NUP155: variants seen among roughly 807,000 people sequenced by gnomAD.
NUP155 encodes nucleoporin 155.
In NUP155, 71 loss-of-function variants were observed where a neutral mutation model predicts 180.4. The observed-to-expected ratio is 0.39, with a 90% CI of 0.33 to 0.48. The LOEUF is 0.48. Among genes scored for constraint, NUP155 ranks in the 20% least tolerant of loss-of-function variants. NUP155 has a pLI of 0.91. For synonymous variants in NUP155, 582 were observed against 559.5 expected (o/e 1.04, Z -0.57); for missense variants, 1,553 against 1,648.9 (o/e 0.94, Z 1.01).
chr5:37,305,283 C>T (rs112894623), intron 25 of NUP155, 73 bp from the exon 26 acceptor site: 48 of 1,341,304 alleles, frequency 3.6e-5, no homozygotes, highest in Middle Eastern at 2.5e-4. Context: ...TGGTGACTCA[C>T]GCCTGTAATG....
At chr5:37,335,685 T>C (rs1336675708) in intron 12 of NUP155, among the ~76,000 whole-genome samples, 1 of 152,110 alleles carries the variant, frequency 6.6e-6, no homozygotes, top group African/African-American at 2.4e-5. Flanking sequence ...CGACACGGCT[T>C]ACACCTGTAA....
intron 25 of NUP155, 61 bp downstream of exon 25, chr5:37,307,236 A>G: frequency 6.5e-7 from 1 of 1,548,536 alleles, no homozygotes; most frequent in East Asian, 2.2e-5. Flanking sequence ...AACAAAAAAC[A>G]TTATGCAAAG....
At chr5:37,359,631 C>A (rs1747067838) in intron 3 of NUP155, among the ~76,000 whole-genome samples, 1 of 152,080 alleles carries the variant, frequency 6.6e-6, no homozygotes, top group South Asian at 2.1e-4. Flanking sequence ...AGAATAAATA[C>A]CACTTGCTAC....
At chr5:37,331,817 C>G (rs753992908) in intron 13 of NUP155, 22 bp from the exon 14 acceptor site, 2 of 1,437,412 alleles carry the variant, frequency 1.4e-6, no homozygotes, top group African/African-American at 2.8e-5. Flanking sequence ...GAAGAAAGAA[C>G]ATGAACAAGA....
chr5:37,291,294 T>G lies in NUP155; in HGVS notation c.*606A>C, dbSNP rs1742219800. 3 of 152,842 alleles carry G rather than the reference T, an allele frequency of 2.0e-5. No individual in the cohort carries two copies. The highest frequency in any genetic ancestry group is 7.2e-5 in the African/African-American group (3 of 41,442). 9.5% of individuals were successfully genotyped at this position (152,842 alleles called of 1,614,324 possible). On this transcript the variant is annotated 3_prime_UTR_variant, in exon 35 of 35. Transcript: ENST00000231498. ...TCTCGCCCTGTTGCCTGGGCTGGAG[T>G]GCAATGGTGCGATTTTGACTCACTG...
intron 31 of NUP155, 71 bp from the exon 32 acceptor site, chr5:37,299,049 A>G: frequency 1.2e-6 from 1 of 867,018 alleles, no homozygotes; most frequent in South Asian, 1.4e-5. Flanking sequence ...TGGTTATTTA[A>G]TTCTGTTTCA....
rs375786815 is a variant in NUP155 at position 37,329,237 on chromosome 5, G to A, written c.1766C>T (p.Pro589Leu). The A allele has an allele frequency of 3.1e-5, 50 of 1,613,778 alleles. No homozygotes were observed. Among genetic ancestry groups the A allele is most frequent in the African/African-American group, 2.1e-4 (16 of 74,908 alleles). ...GATGGGACCAACATTACTTGGAGGC[G>A]GAAGAGTGGTTGGAAATCTCATCTG... ...EAQMRFPTTL[P>L]PPSNVGPILG... The change falls in exon 16 of 35, where the codon CCG becomes CTG. Residue 589 changes from proline (P) to leucine (L), a missense_variant. Physicochemically the swap from Pro to Leu is moderately conservative, Grantham distance 98 (BLOSUM62 -3). Coordinates refer to ENST00000231498, the MANE Select transcript of NUP155 (RefSeq NM_153485.3).
chr5:37,317,954 A>G (rs1293391536), intron 21 of NUP155, 34 bp downstream of exon 21: 1 of 1,130,722 alleles, frequency 8.8e-7, no homozygotes, highest in Admixed American at 1.7e-5. Context: ...TACTGAGGTC[A>G]TGTACGCTTA....
intron 20 of NUP155, among the ~76,000 whole-genome samples, chr5:37,322,995 A>G (rs766900576): frequency 1.3e-5 from 2 of 150,368 alleles, no homozygotes; most frequent in Non-Finnish European, 3.0e-5. Context: ...CCAAATGTCC[A>G]CTCTTGGTCG....
At chr5:37,307,981 G>GA (rs532520585) in intron 24 of NUP155, among the ~76,000 whole-genome samples, 5 of 147,136 alleles carry the variant, frequency 3.4e-5, no homozygotes, top group African/African-American at 1.2e-4. Flanking sequence ...TTCTTCATTG[G>GA]AAAAAAAAGA....
At chr5:37,360,717 T>C (rs1477711330) in intron 3 of NUP155, among the ~76,000 whole-genome samples, 4 of 144,598 alleles carry the variant, frequency 2.8e-5, no homozygotes, top group African/African-American at 7.8e-5. Flanking sequence ...ACCCAGGAGG[T>C]TGAGGCTGCA....
chr5:37,311,314 G>C (rs1247330220), intron 22 of NUP155, among the ~76,000 whole-genome samples: 1 of 152,052 alleles, frequency 6.6e-6, no homozygotes, highest in Non-Finnish European at 1.5e-5. Flanking sequence ...CATTCATTGA[G>C]CATGCCATTG....
At chr5:37,340,590 T>G (rs1229448136) in intron 11 of NUP155, among the ~76,000 whole-genome samples, 2 of 152,164 alleles carry the variant, frequency 1.3e-5, no homozygotes, top group African/African-American at 4.8e-5. Flanking sequence ...ATTCCATACA[T>G]TAACGGGTAA....
Position 37,349,258 on chromosome 5 carries a change from C to G in NUP155, c.830-13G>C. ...TGAAGAATAGGATCTAAAAGTAAGA[C>G]AAAAAAAAAAAAGAGAAAAAAGTAA... is the stretch of plus-strand genomic sequence containing the variant. On this transcript the variant is annotated splice_polypyrimidine_tract_variant and intron_variant, in intron 7 of 34. Transcript: ENST00000231498. The G allele has an allele frequency of 1.5e-5, 8 of 544,412 alleles. No individual in the cohort carries two copies. In the South Asian group the frequency reaches 1.7e-4, roughly 11 times the overall value. 33.7% of individuals were successfully genotyped at this position (544,412 alleles called of 1,614,324 possible).
In NUP155 at chr5:37,307,795, G is replaced by A. The variant is rs568999061; in HGVS notation, c.2768-363C>T. ...AAATTAGCTGGGCCTGGTGGCATGC[G>A]CCTGTAATCCCAGCTACTCAAAAGG... On this transcript the variant is annotated intron_variant, in intron 24 of 34. Transcript: ENST00000231498. Among the ~76,000 whole-genome samples, 6 of 151,776 alleles carry A rather than the reference G, an allele frequency of 4.0e-5. No homozygotes were observed. The South Asian group carries it at 1.3e-3, about 32-fold the overall frequency.
At chr5:37,314,101 TG>T in intron 22 of NUP155, 96 bp downstream of exon 22, 1 of 855,010 alleles carries the variant, frequency 1.2e-6, no homozygotes, top group Non-Finnish European at 1.9e-6. Context: ...ATAACTTAAA[TG>T]CTTCCCAAAA....
At chr5:37,345,025 A>T (rs1745985327) in intron 9 of NUP155, among the ~76,000 whole-genome samples, 1 of 151,904 alleles carries the variant, frequency 6.6e-6, no homozygotes, top group African/African-American at 2.4e-5. Flanking sequence ...TCTACAAAAA[A>T]TACAAAAATT....
At chr5:37,343,754 G>T (rs1301057185) in intron 9 of NUP155, among the ~76,000 whole-genome samples, 5 of 151,852 alleles carry the variant, frequency 3.3e-5, no homozygotes, top group African/African-American at 1.2e-4. Flanking sequence ...TTAGCCAGGG[G>T]TGGTAGCGCA....
chr5:37,351,270 G>C lies in NUP155; in HGVS notation c.643C>G (p.Leu215Val), dbSNP rs550192983. Residue 215 changes from leucine (L) to valine (V), a missense_variant, in exon 6 of 35, where the codon CTT becomes GTT. Physicochemically the swap from Leu to Val is conservative, Grantham distance 32 (BLOSUM62 1). Transcript: ENST00000231498. The stretch of plus-strand genomic sequence containing the variant: ...TTATCAGTGGAAGTTATTGTTAAAA[G>C]GTAAGTATTATCAGTAGGAAGAGAA... ...LYSLPTDNTY[L>V]LTITSTDNGR... is the part of the protein sequence containing the mutation. 1 of 1,612,862 alleles carries C rather than the reference G, an allele frequency of 6.2e-7. No homozygotes were observed. The highest frequency in any genetic ancestry group is 1.7e-5 in the Admixed American group (1 of 59,978).
Sources: allele counts gnomAD v4.1 joint callset (sites outside exome capture counted in the v4.1 genomes callset), GRCh38; gene constraint gnomAD v4.1.1; transcripts MANE v1.5; gene names NCBI Gene and HGNC (gene_info 2026-07-23, HGNC 2026-07-21).